ITPKB: variants seen among roughly 807,000 people sequenced by gnomAD.
ITPKB encodes the protein inositol-trisphosphate 3-kinase B.
Under a neutral mutation model 69.4 loss-of-function variants are expected in ITPKB, and 13 were observed. That is an observed-to-expected ratio of 0.19 (90% CI 0.12 to 0.30). ITPKB has a LOEUF of 0.30. Ranked by LOEUF, ITPKB falls within the 10% of genes least tolerant of loss-of-function variation. The pLI is 1.00. For missense variants in ITPKB, 1,240 were observed against 1,250.5 expected (o/e 0.99, Z 0.13); for synonymous variants, 584 against 513.7 (o/e 1.14, Z -1.85).
chr1:226,719,678 C>T (rs889381562), intron 2 of ITPKB, among the ~76,000 whole-genome samples: 2 of 152,224 alleles, frequency 1.3e-5, no homozygotes, highest in African/African-American at 4.8e-5. Flanking sequence ...ACAGCTTGTA[C>T]CTGTTGGACT....
At chr1:226,645,729 A>T (rs928972391) in intron 4 of ITPKB, among the ~76,000 whole-genome samples, 2 of 151,366 alleles carry the variant, frequency 1.3e-5, no homozygotes, top group Admixed American at 1.3e-4. Context: ...CGGGAAAAGC[A>T]AAGGCCTCGG....
chr1:226,687,973 T>A (rs1656253524), intron 2 of ITPKB, among the ~76,000 whole-genome samples: 1 of 152,142 alleles, frequency 6.6e-6, no homozygotes, highest in African/African-American at 2.4e-5. Flanking sequence ...CAAGGGAGTG[T>A]CTGTAACAAC....
intron 2 of ITPKB, among the ~76,000 whole-genome samples, chr1:226,719,797 A>C (rs1398326885): frequency 3.9e-5 from 6 of 152,148 alleles, no homozygotes; most frequent in Admixed American, 3.9e-4. Flanking sequence ...GGGTGGCCTG[A>C]GGCATCTGGA....
rs763645018 is a variant in ITPKB, at chr1:226,736,099, C to G, written c.1360G>C (p.Gly454Arg). 1 of 1,606,682 alleles carries G rather than the reference C, an allele frequency of 6.2e-7. No individual in the cohort carries two copies. The highest frequency in any genetic ancestry group is 1.1e-5 in the South Asian group (1 of 90,470). ...CCCGGCTGTGCTGAGGGGCTGCCCC[C>G]AAGCAAGCCCAGCGTTGGGGACCCT... Reference protein sequence around the residue: ...EGGSPTLGLLGGSPSAQPGTG... With the variant: ...EGGSPTLGLLRGSPSAQPGTG... The change falls in exon 2 of 8, where the codon GGG becomes CGG. Residue 454 changes from glycine to arginine, a missense_variant. Transcript: ENST00000429204.
chr1:226,713,457 C>T (rs1657023165), intron 2 of ITPKB, among the ~76,000 whole-genome samples: 2 of 152,226 alleles, frequency 1.3e-5, no homozygotes, highest in South Asian at 2.1e-4. Context: ...GCGACAAGGA[C>T]GGCGTCCTCC....
chr1:226,696,599 T>A (rs1411043748), intron 2 of ITPKB, among the ~76,000 whole-genome samples: 1 of 152,206 alleles, frequency 6.6e-6, no homozygotes, highest in African/African-American at 2.4e-5. Context: ...TAGCTGCTGC[T>A]ATTTCTCAGG....
chr1:226,703,705 C>A (rs1656735328), intron 2 of ITPKB, among the ~76,000 whole-genome samples: 2 of 152,254 alleles, frequency 1.3e-5, no homozygotes, highest in South Asian at 4.1e-4. Flanking sequence ...GACCTGCACC[C>A]CTGGCTTGCG....
At chr1:226,717,024 C>G (rs1657112826) in intron 2 of ITPKB, among the ~76,000 whole-genome samples, 1 of 152,172 alleles carries the variant, frequency 6.6e-6, no homozygotes. Context: ...TCTTCTGATT[C>G]ACTGAAATGA....
chr1:226,639,557 C>G lies in ITPKB; in HGVS notation c.2553G>C (p.Leu851=), dbSNP rs140734599. The G allele has an allele frequency of 2.8e-5, 44 of 1,597,846 alleles. No individual in the cohort carries two copies. The highest frequency in any genetic ancestry group is 3.8e-5 in the Non-Finnish European group (44 of 1,165,264). The part of the protein sequence containing the change: ...REFTKGNHNI[L]IAYRDRLKAI... ...CCCTCTCTGGAGGTGCCAGACTCAC[C>G]AGGATGTTATGGTTTCCTTTAGTGA... The change falls in exon 6 of 8, where the codon CTG becomes CTC. Residue 851 remains leucine (L), a splice_region_variant and synonymous_variant. Transcript: ENST00000429204.
Position 226,634,682 on chromosome 1 carries a change from G to A in ITPKB, c.2830C>T (p.Pro944Ser). The A allele has an allele frequency of 1.2e-6, 1 of 834,192 alleles. No homozygotes were observed. The highest frequency in any genetic ancestry group is 1.7e-5 in the Admixed American group (1 of 59,034). The allele number at this position is 834,192 out of a possible 1,614,324, so 51.7% of individuals were successfully genotyped here. A position where few individuals can be genotyped will look rare whatever the true frequency, so the allele number is the denominator to read the frequency against. Residue 944 changes from proline to serine, a missense_variant, in exon 8 of 8, where the codon CCA (proline) becomes TCA (serine). By Grantham distance (74) the Pro-to-Ser change is moderately conservative. This residue lies in a region of ITPKB where 248 missense variants were observed against 396.7 expected (regional missense o/e 0.63). Transcript: ENST00000429204. This position sits in a 1 kb window ranked among gnomAD's most constrained non-coding sequence, Gnocchi z 6.3. ...DILTEMSQDA[P>S]LA ...AGGGCGTGGGCAGCTCAGGCGAGTGGGGCATCCTGGGACATCTCGGTCAGG... is the reference window on the plus strand; with the variant it reads ...AGGGCGTGGGCAGCTCAGGCGAGTGAGGCATCCTGGGACATCTCGGTCAGG...
intron 2 of ITPKB, among the ~76,000 whole-genome samples, chr1:226,670,963 C>A (rs1351176131): frequency 5.9e-5 from 9 of 152,142 alleles, no homozygotes; most frequent in Admixed American, 5.2e-4. Context: ...ATACAGAACA[C>A]CAAATAAACA....
At chr1:226,693,221 A>T (rs1334398495) in intron 2 of ITPKB, among the ~76,000 whole-genome samples, 1 of 152,194 alleles carries the variant, frequency 6.6e-6, no homozygotes, top group Non-Finnish European at 1.5e-5. Context: ...GAATAGTGAC[A>T]GCCAAAAACT....
At position 226,637,029 on chromosome 1, in the gene ITPKB, AGT is replaced by A. The variant is rs888290676; in HGVS notation, c.2625+648_2625+649del. Among the ~76,000 whole-genome samples, 7 of 151,702 alleles carry A rather than the reference AGT, an allele frequency of 4.6e-5. 1 individual carries two copies. In the South Asian group the frequency reaches 8.3e-4, roughly 18 times the overall value. On this transcript the variant is annotated intron_variant, in intron 7 of 7. Coordinates refer to ENST00000429204, the MANE Select transcript of ITPKB (RefSeq NM_002221.4). The surrounding 1 kb of genome is among the most constrained non-coding windows in gnomAD (Gnocchi z 4.3). ...AAGGTGTGTGCATGTAGGGTTTATG[AGT>A]GTGATCTGTGAATGTGTGTGGTATA...
At chr1:226,732,912 C>A (rs74986127) in intron 2 of ITPKB, among the ~76,000 whole-genome samples, 2 of 152,252 alleles carry the variant, frequency 1.3e-5, no homozygotes, top group East Asian at 3.9e-4. Flanking sequence ...ACTGTCACCC[C>A]CTGCCTGCAC....
intron 2 of ITPKB, among the ~76,000 whole-genome samples, chr1:226,686,082 C>T (rs966543939): frequency 1.1e-4 from 17 of 151,972 alleles, no homozygotes; most frequent in Middle Eastern, 3.4e-3. Context: ...GCAGATAAAG[C>T]GACCCCCCGC....
At chr1:226,728,829 A>G (rs551792616) in intron 2 of ITPKB, among the ~76,000 whole-genome samples, 3 of 152,064 alleles carry the variant, frequency 2.0e-5, no homozygotes, top group Admixed American at 2.0e-4. Flanking sequence ...ATTTCACCCA[A>G]GTCTCCTAAA....
chr1:226,638,109 C>T (rs1240921241), intron 6 of ITPKB, among the ~76,000 whole-genome samples: 3 of 152,228 alleles, frequency 2.0e-5, no homozygotes, highest in African/African-American at 4.8e-5. Flanking sequence ...GCTCGTCATA[C>T]ACAGGTACAC....
chr1:226,732,262 G>A (rs1431584716), intron 2 of ITPKB, among the ~76,000 whole-genome samples: 1 of 151,966 alleles, frequency 6.6e-6, no homozygotes, highest in African/African-American at 2.4e-5. Context: ...GTTTTGAAAC[G>A]GAGTCTCACT....
At chr1:226,709,444 T>C (rs905307865) in intron 2 of ITPKB, among the ~76,000 whole-genome samples, 2 of 152,128 alleles carry the variant, frequency 1.3e-5, no homozygotes, top group Non-Finnish European at 2.9e-5. Context: ...CTGATGTGCA[T>C]TTTATAGTAA....
Sources: allele counts gnomAD v4.1 joint callset (sites outside exome capture counted in the v4.1 genomes callset), GRCh38; gene constraint gnomAD v4.1.1; regional missense constraint gnomAD v4.1.1; non-coding constraint Gnocchi (gnomAD v3.1); transcripts MANE v1.5; gene names NCBI Gene and HGNC (gene_info 2026-07-23, HGNC 2026-07-21).